The following SEC14L1 variants were observed in gnomAD, a reference collection of about 807,000 sequenced individuals.
The protein encoded by SEC14L1 is SEC14-like protein 1.
A neutral mutation model predicts 85.3 loss-of-function variants in SEC14L1; 48 were observed. The ratio of observed to expected loss-of-function variants is 0.56; its 90% CI spans 0.45 to 0.72. The LOEUF (loss-of-function observed/expected upper bound fraction) is 0.72. Ranked by LOEUF, SEC14L1 falls within the 30% of genes least tolerant of loss-of-function variation. The probability of loss-of-function intolerance (pLI) is 0.00; values close to 1 mark genes in which losing one functional copy is unlikely to be tolerated. For synonymous variants in SEC14L1, 391 were observed against 355.5 expected, an observed-to-expected ratio of 1.10 and a Z score of -1.12; for missense variants, 682 against 921.4, an observed-to-expected ratio of 0.74 and a Z score of 3.36.
chr17:77,126,929 C>T (rs1262377615), intron 3 of SEC14L1, among the ~76,000 whole-genome samples: 15 of 151,682 alleles, frequency 9.9e-5, no homozygotes, highest in African/African-American at 3.2e-4. Context: ...TGAGCAGGGG[C>T]GCCTCCCTTC....
At chr17:77,178,491 C>T (rs1974858973) in intron 3 of SEC14L1, among the ~76,000 whole-genome samples, 1 of 152,032 alleles carries the variant, frequency 6.6e-6, no homozygotes, top group Admixed American at 6.6e-5. Flanking sequence ...GTCACTGTTG[C>T]CTGCTAATAA....
chr17:77,131,859 A>C (rs937469632), intron 3 of SEC14L1, among the ~76,000 whole-genome samples: 55 of 152,326 alleles, frequency 3.6e-4, no homozygotes, highest in African/African-American at 1.3e-3. Context: ...TCCTGAAGGA[A>C]GGAAGACTCT....
chr17:77,120,884 A>G (rs982690838), intron 3 of SEC14L1, among the ~76,000 whole-genome samples: 1 of 152,214 alleles, frequency 6.6e-6, no homozygotes, highest in African/African-American at 2.4e-5. Flanking sequence ...ATGTCCCCAC[A>G]GGAGACTTGG....
At chr17:77,154,405 G>A (rs118097020) in intron 3 of SEC14L1, among the ~76,000 whole-genome samples, 1,831 of 152,340 alleles carry the variant, frequency 0.012, 22 homozygotes, top group South Asian at 0.046. Context: ...CTAGGAGTTT[G>A]AGGCTGCAGT....
chr17:77,182,140 C>G (rs1291863862), intron 3 of SEC14L1, among the ~76,000 whole-genome samples: 1 of 151,994 alleles, frequency 6.6e-6, no homozygotes, highest in Non-Finnish European at 1.5e-5. Context: ...GGTGTGTTGG[C>G]TAAACTGGGT....
intron 3 of SEC14L1, among the ~76,000 whole-genome samples, chr17:77,127,651 A>AG (rs1198011719): frequency 2.0e-5 from 3 of 152,118 alleles, no homozygotes; most frequent in African/African-American, 7.2e-5. Flanking sequence ...CGCCTGGCCA[A>AG]GGGGTTTTTT....
At chr17:77,157,193 A>G (rs1238920843) in intron 3 of SEC14L1, among the ~76,000 whole-genome samples, 1 of 152,236 alleles carries the variant, frequency 6.6e-6, no homozygotes, top group Non-Finnish European at 1.5e-5. Flanking sequence ...TAAAAGCTAC[A>G]GGGTACATAT....
At chr17:77,183,252 A>G (rs1362941900) in intron 3 of SEC14L1, among the ~76,000 whole-genome samples, 2 of 152,234 alleles carry the variant, frequency 1.3e-5, no homozygotes, top group African/African-American at 4.8e-5. Context: ...TATTATGAGT[A>G]ATGCTCATTT....
upstream of SEC14L1, among the ~76,000 whole-genome samples, chr17:77,137,774 AAAGCATTTATTGTAAC>A (rs1972839220): frequency 6.6e-6 from 1 of 152,236 alleles, no homozygotes. Flanking sequence ...AATTCCTGAA[AAAGCATTTATTGTAAC>A]AAAAGATTGC....
chr17:77,124,997 ATTTTTATTATTATT>A (rs1972402852), intron 3 of SEC14L1, among the ~76,000 whole-genome samples: 7 of 67,798 alleles, frequency 1.0e-4, no homozygotes, highest in Admixed American at 3.0e-4. Context: ...TATTATTATT[ATTTTTATTATTATT>A]ATATATTTTT....
rs1972985525 is a variant in SEC14L1 at position 77,141,011 on chromosome 17, C to G, written c.-232C>G. On this transcript the variant is annotated 5_prime_UTR_variant, in exon 1 of 17. Transcript: ENST00000436233. ...CTCCCCGGAACCGGCGGTCGAGCTA[C>G]GGTCGCGGAGCAGTGGAACCGAGAC... is the stretch of plus-strand genomic sequence containing the variant. 1 of 150,408 alleles carries G rather than the reference C, an allele frequency of 6.6e-6. No individual in the cohort carries two copies. The highest frequency in any genetic ancestry group is 2.4e-5 in the African/African-American group (1 of 41,010). 9.3% of individuals were successfully genotyped at this position (150,408 alleles called of 1,614,324 possible).
intron 1 of SEC14L1, chr17:77,141,867 A>G (rs1973066403): frequency 6.6e-6 from 1 of 152,156 alleles, no homozygotes; most frequent in African/African-American, 2.4e-5. Flanking sequence ...CCCTAAAATT[A>G]ATATTCCCAA....
intron 5 of SEC14L1, among the ~76,000 whole-genome samples, 179 bp from the exon 6 acceptor site, chr17:77,193,242 T>C (rs1407059184): frequency 1.3e-5 from 2 of 152,256 alleles, no homozygotes; most frequent in Non-Finnish European, 2.9e-5. Context: ...TGATTTAGAA[T>C]GTGCTTTTGA....
At chr17:77,105,357 A>G (rs1971884694) in intron 3 of SEC14L1, among the ~76,000 whole-genome samples, 1 of 140,530 alleles carries the variant, frequency 7.1e-6, no homozygotes, top group Non-Finnish European at 1.5e-5. Context: ...AGCCTGTGAC[A>G]TGCTCCTCGC....
rs16969720 is a variant in SEC14L1 at position 77,185,459 on chromosome 17, G to C, written c.64-5344G>C. On this transcript the variant is annotated intron_variant, in intron 3 of 16. Transcript: ENST00000436233. ...CAGGGAAGGGAACGTTTTTAGTGTG[G>C]TTGAAATTCAAGGTGAGGCTGCGTG... The C allele has an allele frequency of 1.6e-3, 1,481 of 904,530 alleles. 14 individuals carry two copies. In the African/African-American group the frequency reaches 0.025, roughly 15 times the overall value. The allele number at this position is 904,530 out of a possible 1,614,324, so 56.0% of individuals were successfully genotyped here.
chr17:77,206,895 C>T lies in SEC14L1; in HGVS notation c.1476+33C>T, dbSNP rs77192465. On this transcript the variant is annotated intron_variant, in intron 13 of 16. Coordinates refer to ENST00000436233, the MANE Select transcript of SEC14L1 (RefSeq NM_001143998.2). The surrounding 1 kb of genome is among the most constrained non-coding windows in gnomAD (Gnocchi z 4.3). ...CTGAGGCGAGGAACTGCACATTTGG[C>T]CCCTTATGCAGGTGGGAGAGGTCGG... The T allele has an allele frequency of 0.016, 23,181 of 1,478,980 alleles. 270 individuals are homozygous for T. The highest frequency in any genetic ancestry group is 0.049 in the South Asian group (3,407 of 69,232). 91.6% of individuals were successfully genotyped at this position (1,478,980 alleles called of 1,614,324 possible). A position where few individuals can be genotyped will look rare whatever the true frequency, so the allele number is the denominator to read the frequency against.
intron 3 of SEC14L1, among the ~76,000 whole-genome samples, chr17:77,146,875 A>G (rs1000096294): frequency 6.6e-6 from 1 of 152,166 alleles, no homozygotes; most frequent in South Asian, 2.1e-4. Context: ...CTGTAGTTTT[A>G]TGGTATAAAA....
At chr17:77,112,265 A>G (rs1163683475) in intron 3 of SEC14L1, among the ~76,000 whole-genome samples, 1 of 152,146 alleles carries the variant, frequency 6.6e-6, no homozygotes, top group Non-Finnish European at 1.5e-5. Flanking sequence ...CTCTTTACTT[A>G]TAAATTAGCC....
chr17:77,174,755 C>A (rs1478278871), intron 3 of SEC14L1, among the ~76,000 whole-genome samples: 3 of 152,144 alleles, frequency 2.0e-5, no homozygotes, highest in Non-Finnish European at 4.4e-5. Flanking sequence ...AACAAGTAAG[C>A]TGTGCTCAAG....
Sources: gnomAD v4.1 joint callset for allele counts (sites outside exome capture counted in the v4.1 genomes callset) on GRCh38, gnomAD v4.1.1 for gene constraint, Gnocchi (gnomAD v3.1) non-coding constraint, MANE v1.5 for transcripts, NCBI Gene and HGNC (gene_info 2026-07-23, HGNC 2026-07-21) for gene names.